The following GRM3 variants were observed in gnomAD, a reference collection of about 807,000 sequenced individuals.
The protein encoded by GRM3 is metabotropic glutamate receptor 3.
A neutral mutation model predicts 70.5 loss-of-function variants in GRM3; 26 were observed. The observed-to-expected ratio is 0.37, with a 90% CI of 0.27 to 0.51. The LOEUF is 0.51. Ranked by LOEUF, GRM3 falls within the 20% of genes least tolerant of loss-of-function variation. The pLI, the probability that GRM3 is intolerant of heterozygous loss-of-function variation, is 0.93. For synonymous variants in GRM3, 443 were observed against 434.9 expected, an observed-to-expected ratio of 1.02 and a Z score of -0.23; for missense variants, 859 against 1,123.8, an observed-to-expected ratio of 0.76 and a Z score of 3.37.
chr7:86,797,883 G>A lies in GRM3; in HGVS notation c.1324+10767G>A, dbSNP rs137872507. Among the ~76,000 whole-genome samples, 619 of 152,298 alleles carry A rather than the reference G, an allele frequency of 4.1e-3. 5 individuals are homozygous for A. The highest frequency in any genetic ancestry group is 0.014 in the African/African-American group (579 of 41,568). The stretch of plus-strand genomic sequence containing the variant: ...AGTGCTTTGTGCAGTCTCAGGACTC[G>A]GTGCCTGCATCCCAGCCGTGGCTAA... On this transcript the variant is annotated intron_variant, in intron 3 of 5. Coordinates refer to ENST00000361669, the MANE Select transcript of GRM3 (RefSeq NM_000840.3).
At chr7:86,862,075 G>A (rs1798971688) in intron 5 of GRM3, among the ~76,000 whole-genome samples, 1 of 152,164 alleles carries the variant, frequency 6.6e-6, no homozygotes, top group Non-Finnish European at 1.5e-5. Context: ...TTTTTGGTTT[G>A]GGCAATTGGC....
intron 3 of GRM3, among the ~76,000 whole-genome samples, chr7:86,793,907 C>T (rs1055901776): frequency 1.3e-5 from 2 of 151,828 alleles, no homozygotes; most frequent in Non-Finnish European, 2.9e-5. Flanking sequence ...GTAATGATCC[C>T]CAATGAAGTA....
At chr7:86,672,857 C>T (rs566332068) in intron 1 of GRM3, among the ~76,000 whole-genome samples, 2 of 152,164 alleles carry the variant, frequency 1.3e-5, no homozygotes, top group Non-Finnish European at 2.9e-5. Context: ...AAAGCATCCC[C>T]TCCCCTCTCT....
chr7:86,849,522 A>T, intron 4 of GRM3, among the ~76,000 whole-genome samples: 1 of 152,172 alleles, frequency 6.6e-6, no homozygotes, highest in East Asian at 1.9e-4. Context: ...TTAGAGAGGA[A>T]GGTCAGAGAC....
rs181408081 is a variant in GRM3, at chr7:86,721,914, T to C, written c.-140-43092T>C. Among the ~76,000 whole-genome samples, 217 of 152,186 alleles carry C rather than the reference T, an allele frequency of 1.4e-3. 3 individuals carry two copies. The highest frequency in any genetic ancestry group is 1.2e-4 in the Non-Finnish European group (8 of 67,988). ...GAAGAAGGAATATCACTAGGAAGCATGGAAGATACCAGGAGAAACATTGAC... is the reference window on the plus strand; with the variant it reads ...GAAGAAGGAATATCACTAGGAAGCACGGAAGATACCAGGAGAAACATTGAC... On this transcript the variant is annotated intron_variant, in intron 1 of 5. Coordinates refer to ENST00000361669, the MANE Select transcript of GRM3 (RefSeq NM_000840.3).
intron 1 of GRM3, among the ~76,000 whole-genome samples, chr7:86,678,714 A>T (rs2115949557): frequency 6.6e-6 from 1 of 152,178 alleles, no homozygotes; most frequent in East Asian, 1.9e-4. Flanking sequence ...GGACATCGAG[A>T]TGTGTTAATG....
intron 1 of GRM3, among the ~76,000 whole-genome samples, chr7:86,732,114 A>G (rs1184551669): frequency 1.3e-5 from 2 of 152,190 alleles, no homozygotes; most frequent in Non-Finnish European, 2.9e-5. Flanking sequence ...TGTGAATTAT[A>G]TTCTATATGG....
At chr7:86,669,997 G>GAAACTTGAA (rs1178323907) in intron 1 of GRM3, among the ~76,000 whole-genome samples, 1 of 152,088 alleles carries the variant, frequency 6.6e-6, no homozygotes, top group Non-Finnish European at 1.5e-5. Flanking sequence ...TCAGTTCTCA[G>GAAACTTGAA]ACACTTGAAA....
At chr7:86,717,775 A>G (rs979366086) in intron 1 of GRM3, among the ~76,000 whole-genome samples, 8 of 152,002 alleles carry the variant, frequency 5.3e-5, no homozygotes, top group African/African-American at 1.2e-4. Context: ...GGCATCGAGG[A>G]AAGGGCTTTT....
chr7:86,672,648 C>T (rs1794201917), intron 1 of GRM3, among the ~76,000 whole-genome samples: 1 of 151,686 alleles, frequency 6.6e-6, no homozygotes, highest in African/African-American at 2.4e-5. Flanking sequence ...TGTGGGGGAA[C>T]ACATCCGGTG....
At chr7:86,852,258 C>A (rs536920824) in intron 5 of GRM3, among the ~76,000 whole-genome samples, 3 of 152,226 alleles carry the variant, frequency 2.0e-5, no homozygotes, top group South Asian at 4.1e-4. Flanking sequence ...TAGCTCAGAA[C>A]TTTTGCTTGT....
At chr7:86,737,233 G>A (rs1202977677) in intron 1 of GRM3, among the ~76,000 whole-genome samples, 1 of 152,204 alleles carries the variant, frequency 6.6e-6, no homozygotes, top group East Asian at 1.9e-4. Context: ...TGTTTAATAA[G>A]TGCTTTCTAA....
Position 86,780,521 on chromosome 7 carries a change from A to T in GRM3, c.469-5740A>T, listed in dbSNP as rs138126647. On this transcript the variant is annotated intron_variant, in intron 2 of 5. Coordinates refer to ENST00000361669, the MANE Select transcript of GRM3 (RefSeq NM_000840.3). ...AAAACACCAAGAAAATGGGTACCGC[A>T]TAATATCTGAACATTGAAAATAAAA... is the stretch of plus-strand genomic sequence containing the variant. Among the ~76,000 whole-genome samples, 52 of 152,326 alleles carry T rather than the reference A, an allele frequency of 3.4e-4. 1 individual carries two copies. The highest frequency in any genetic ancestry group is 1.2e-3 in the African/African-American group (51 of 41,574).
chr7:86,645,899 G>A (rs1257795705), intron 1 of GRM3, among the ~76,000 whole-genome samples: 1 of 150,438 alleles, frequency 6.6e-6, no homozygotes, highest in Non-Finnish European at 1.5e-5. Context: ...TGTGAGTTAA[G>A]TACCAACAAT....
At chr7:86,751,687 A>G (rs995562444) in intron 1 of GRM3, among the ~76,000 whole-genome samples, 1 of 152,070 alleles carries the variant, frequency 6.6e-6, no homozygotes, top group African/African-American at 2.4e-5. Flanking sequence ...CACTGGTAGT[A>G]TTTGTCATTT....
intron 1 of GRM3, among the ~76,000 whole-genome samples, chr7:86,682,251 A>T (rs1012324379): frequency 6.6e-6 from 1 of 152,232 alleles, no homozygotes; most frequent in South Asian, 2.1e-4. Flanking sequence ...ATGTAAAATA[A>T]AAATGTCAAT....
chr7:86,852,358 G>C (rs1423359581), intron 5 of GRM3, among the ~76,000 whole-genome samples: 1 of 152,166 alleles, frequency 6.6e-6, no homozygotes, highest in Non-Finnish European at 1.5e-5. Flanking sequence ...AGAAATGGCA[G>C]AATTTTCTAA....
intron 1 of GRM3, 41 bp downstream of exon 1, chr7:86,644,913 C>A: frequency 8.5e-7 from 1 of 1,172,460 alleles, no homozygotes; most frequent in African/African-American, 1.6e-5. Flanking sequence ...TGGAGGGCGC[C>A]CAGCCAGGGC....
At position 86,839,445 on chromosome 7, in the gene GRM3, G is replaced by A. The variant is rs891025347; in HGVS notation, c.1931G>A (p.Arg644His). The change falls in exon 4 of 6, where the codon CGC (arginine) becomes CAC (histidine). Residue 644 changes from arginine (R) to histidine (H), a missense_variant. Coordinates refer to ENST00000361669, the MANE Select transcript of GRM3 (RefSeq NM_000840.3). This position sits in a 1 kb window ranked among gnomAD's most constrained non-coding sequence, Gnocchi z 4.5. ...CCATCACCAGTCATCTGTGCATTGC[G>A]CCGACTCGGGCTGGGGAGTTCCTTC... ...AKPSPVICALRRLGLGSSFAI... is the reference protein window; with the variant it reads ...AKPSPVICALHRLGLGSSFAI... The A allele has an allele frequency of 5.6e-6, 9 of 1,613,300 alleles. No homozygotes were observed. The highest frequency in any genetic ancestry group is 2.7e-5 in the African/African-American group (2 of 74,892).
Sources: gnomAD v4.1 joint callset for allele counts (sites outside exome capture counted in the v4.1 genomes callset) on GRCh38, gnomAD v4.1.1 for gene constraint, Gnocchi (gnomAD v3.1) non-coding constraint, MANE v1.5 for transcripts, NCBI Gene and HGNC (gene_info 2026-07-23, HGNC 2026-07-21) for gene names.